PDZRN3: variants seen among roughly 807,000 people sequenced by gnomAD.
The protein encoded by PDZRN3 is PDZ domain containing ring finger 3.
Under a neutral mutation model 85.7 loss-of-function variants are expected in PDZRN3, and 38 were observed. The ratio of observed to expected loss-of-function variants is 0.44; its 90% CI spans 0.34 to 0.58. The LOEUF (loss-of-function observed/expected upper bound fraction) is 0.58. Ranked by LOEUF, PDZRN3 falls within the 20% of genes least tolerant of loss-of-function variation. The pLI is 0.01. For synonymous variants in PDZRN3, 759 were observed against 638.0 expected, an observed-to-expected ratio of 1.19 and a Z score of -2.86; for missense variants, 1,629 against 1,506.4, an observed-to-expected ratio of 1.08 and a Z score of -1.35.
At chr3:73,492,106 C>T (rs1339739580) in intron 3 of PDZRN3, among the ~76,000 whole-genome samples, 1 of 152,198 alleles carries the variant, frequency 6.6e-6, no homozygotes, top group African/African-American at 2.4e-5. Flanking sequence ...TCAACTAGTG[C>T]TTCTCATATT....
Position 73,384,849 on chromosome 3 carries a change from G to T in PDZRN3, c.1717C>A (p.Arg573=). ...TCATTACGGGTGCTCTCGTCGGTCC[G>T]CCCCACACCGCTGTCCTTCTCGTGC... ...NQHEKDSGVG[R]TDESTRNDES... is the part of the protein sequence containing the mutation. Residue 573 remains arginine (R), a synonymous_variant, in exon 10 of 10, where the codon CGG becomes AGG. Transcript: ENST00000263666. 6.2e-7 allele frequency: 1 copy of T among 1,614,106 alleles called. No individual in the cohort carries two copies. Among genetic ancestry groups the T allele is most frequent in the Non-Finnish European group, 8.5e-7 (1 of 1,180,014 alleles).
intron 3 of PDZRN3, among the ~76,000 whole-genome samples, chr3:73,537,463 C>A (rs908003049): frequency 5.9e-5 from 9 of 152,198 alleles, no homozygotes; most frequent in Admixed American, 3.3e-4. Flanking sequence ...ACCTGTGACA[C>A]TAATCAGTCT....
chr3:73,475,186 T>C (rs1703424840), intron 3 of PDZRN3, among the ~76,000 whole-genome samples: 1 of 152,142 alleles, frequency 6.6e-6, no homozygotes, highest in Non-Finnish European at 1.5e-5. Flanking sequence ...TTCATTTTCT[T>C]CCGTTTTAAT....
chr3:73,566,635 A>G (rs1459295452), intron 3 of PDZRN3, among the ~76,000 whole-genome samples: 1 of 152,152 alleles, frequency 6.6e-6, no homozygotes, highest in Non-Finnish European at 1.5e-5. Flanking sequence ...ATTTGCCCTC[A>G]GAGAAAGTGC....
At position 73,383,822 on chromosome 3, in the gene PDZRN3, G is replaced by A. The variant is rs957346442; in HGVS notation, c.2744C>T (p.Ser915Leu). Reference sequence around the variant, plus strand: ...CACCTTCCACTCCATGCGCGGCTCCGACGGGGTGGGAGAGCTCAGGTCCTT... The same window carrying A: ...CACCTTCCACTCCATGCGCGGCTCCAACGGGGTGGGAGAGCTCAGGTCCTT... ...MCKDLSSPTP[S>L]EPRMEWKVKI... The change falls in exon 10 of 10, where the codon TCG becomes TTG. Residue 915 changes from serine to leucine, a missense_variant. Coordinates refer to ENST00000263666, the MANE Select transcript of PDZRN3 (RefSeq NM_015009.3). The A allele has an allele frequency of 3.7e-6, 6 of 1,613,420 alleles. No individual in the cohort carries two copies. The African/African-American group carries it at 4.0e-5, about 11-fold the overall frequency.
chr3:73,562,319 T>C (rs1000266586), intron 3 of PDZRN3, among the ~76,000 whole-genome samples: 20 of 152,126 alleles, frequency 1.3e-4, no homozygotes, highest in African/African-American at 4.1e-4. Flanking sequence ...GTAATATAGA[T>C]AGTGTTTTGT....
chr3:73,503,670 G>A (rs144482183), intron 3 of PDZRN3, among the ~76,000 whole-genome samples: 60 of 152,180 alleles, frequency 3.9e-4, no homozygotes, highest in Non-Finnish European at 7.4e-4. Context: ...ATACAAGTAC[G>A]TTTCCAAAAA....
intron 3 of PDZRN3, among the ~76,000 whole-genome samples, chr3:73,578,218 C>A (rs61017812): frequency 6.8e-6 from 1 of 146,226 alleles, no homozygotes; most frequent in Non-Finnish European, 1.5e-5. Context: ...GGCTGGAGTG[C>A]GAGTGCAGTG....
chr3:73,491,152 T>A (rs1209653420), intron 3 of PDZRN3, among the ~76,000 whole-genome samples: 3 of 152,214 alleles, frequency 2.0e-5, no homozygotes, highest in East Asian at 3.8e-4. Flanking sequence ...CGCAAGCTCC[T>A]GCTCAGGTTA....
At position 73,383,891 on chromosome 3, in the gene PDZRN3, G is replaced by T; in HGVS notation, c.2675C>A (p.Ala892Asp). 3 of 1,612,812 alleles carry T rather than the reference G, an allele frequency of 1.9e-6. No individual in the cohort carries two copies. The highest frequency in any genetic ancestry group is 3.3e-5 in the Admixed American group (2 of 59,992). ...CATCTGGCTTTGCGCGTACTCCACG[G>T]CCGACTTCTGCTGGATCAGCTGCAT... is the stretch of plus-strand genomic sequence containing the variant. The part of the protein sequence containing the change: ...SYMQLIQQKS[A>D]VEYAQSQMSL... Residue 892 changes from alanine to aspartate, a missense_variant, in exon 10 of 10, where the codon GCC becomes GAC. Coordinates refer to ENST00000263666, the MANE Select transcript of PDZRN3 (RefSeq NM_015009.3).
chr3:73,397,003 T>C (rs1701650919), intron 5 of PDZRN3, among the ~76,000 whole-genome samples: 2 of 151,932 alleles, frequency 1.3e-5, no homozygotes, highest in African/African-American at 2.4e-5. Flanking sequence ...AGGGAGAACA[T>C]CTGTTTTTCT....
At chr3:73,413,442 A>G (rs918917097) in intron 3 of PDZRN3, among the ~76,000 whole-genome samples, 8 of 152,194 alleles carry the variant, frequency 5.3e-5, no homozygotes, top group Admixed American at 4.6e-4. Flanking sequence ...GGGCAGTGCA[A>G]TAAATGCTTC....
At chr3:73,559,275 A>C (rs561630414) in intron 3 of PDZRN3, among the ~76,000 whole-genome samples, 1 of 152,328 alleles carries the variant, frequency 6.6e-6, no homozygotes, top group African/African-American at 2.4e-5. Context: ...TTTTAAACAC[A>C]GTTTCACAGT....
At chr3:73,555,029 A>G (rs1701660770) in intron 3 of PDZRN3, among the ~76,000 whole-genome samples, 1 of 152,228 alleles carries the variant, frequency 6.6e-6, no homozygotes, top group African/African-American at 2.4e-5. Flanking sequence ...TAATCACCAG[A>G]CAAAGCAGAT....
At chr3:73,563,287 G>A (rs1013515222) in intron 3 of PDZRN3, among the ~76,000 whole-genome samples, 12 of 150,946 alleles carry the variant, frequency 7.9e-5, no homozygotes, top group East Asian at 2.0e-4. Context: ...CGCCCGCCTC[G>A]GCCCCCCAAA....
At chr3:73,613,948 C>T (rs781490198) in intron 1 of PDZRN3, among the ~76,000 whole-genome samples, 17 of 152,112 alleles carry the variant, frequency 1.1e-4, no homozygotes, top group Non-Finnish European at 2.4e-4. Context: ...ACATATTAAC[C>T]TTGGAGAAGG....
At chr3:73,482,836 T>A (rs1464267427) in intron 3 of PDZRN3, among the ~76,000 whole-genome samples, 1 of 152,208 alleles carries the variant, frequency 6.6e-6, no homozygotes, top group African/African-American at 2.4e-5. Context: ...CACAACCTGT[T>A]GTTTATTCAG....
chr3:73,413,166 A>T (rs1031689307), intron 3 of PDZRN3, among the ~76,000 whole-genome samples: 12 of 152,132 alleles, frequency 7.9e-5, no homozygotes, highest in Non-Finnish European at 1.3e-4. Flanking sequence ...CCTCATCTAT[A>T]AACAGGGTTG....
intron 3 of PDZRN3, among the ~76,000 whole-genome samples, chr3:73,418,597 T>C (rs540673268): frequency 6.6e-6 from 1 of 152,298 alleles, no homozygotes; most frequent in East Asian, 1.9e-4. Context: ...TTTACAGCCT[T>C]TGTAGCTACA....
Sources: allele counts gnomAD v4.1 joint callset (sites outside exome capture counted in the v4.1 genomes callset), GRCh38; gene constraint gnomAD v4.1.1; transcripts MANE v1.5; gene names NCBI Gene and HGNC (gene_info 2026-07-23, HGNC 2026-07-21).